The following GPR107 variants were observed in gnomAD, a reference collection of about 807,000 sequenced individuals.
GPR107 encodes protein GPR107.
A neutral mutation model predicts 75.5 loss-of-function variants in GPR107; 31 were observed. That is an observed-to-expected ratio of 0.41 (90% CI 0.31 to 0.55). The LOEUF (loss-of-function observed/expected upper bound fraction) is 0.55, where lower values mean the gene tolerates loss of function less well. Among genes scored for constraint, GPR107 ranks in the 20% least tolerant of loss-of-function variants. The pLI, the probability that GPR107 is intolerant of heterozygous loss-of-function variation, is 0.26. For synonymous variants in GPR107, 267 were observed against 251.3 expected (o/e 1.06, Z -0.59); for missense variants, 572 against 665.7 (o/e 0.86, Z 1.55).
intron 6 of GPR107, among the ~76,000 whole-genome samples, chr9:130,083,953 T>G (rs2132576443): frequency 6.6e-6 from 1 of 151,794 alleles, no homozygotes; most frequent in South Asian, 2.1e-4. Flanking sequence ...TTATGTTATT[T>G]ATTACTATTA....
At position 130,081,533 on chromosome 9, in the gene GPR107, C is replaced by A. The variant is rs1370258585; in HGVS notation, c.526+1764C>A. Among the ~76,000 whole-genome samples, 5 of 151,890 alleles carry A rather than the reference C, an allele frequency of 3.3e-5. No homozygotes were observed. The East Asian group carries it at 9.7e-4, about 29-fold the overall frequency. On this transcript the variant is annotated intron_variant, in intron 5 of 17. Coordinates refer to ENST00000347136, the MANE Select transcript of GPR107 (RefSeq NM_020960.5). ...CTAAAAATACAAAAAATTAGCCGGG[C>A]ATGGTGGCACGTGCCTGTGATCTCA...
chr9:130,120,375 G>GC (rs952331650), intron 14 of GPR107, among the ~76,000 whole-genome samples: 3 of 152,168 alleles, frequency 2.0e-5, no homozygotes, highest in African/African-American at 7.2e-5. Flanking sequence ...CCAGGGAGGT[G>GC]CCAGGCAGAG....
chr9:130,097,155 C>CTT (rs71387312), intron 9 of GPR107, among the ~76,000 whole-genome samples: 31,994 of 130,130 alleles, frequency 0.25, 3,949 homozygotes, highest in Non-Finnish European at 0.28. Flanking sequence ...TCTTTTTTTT[C>CTT]TTTTTTTTTT....
chr9:130,076,381 A>G (rs774589594), intron 2 of GPR107, 31 bp from the exon 3 acceptor site: 2 of 1,327,662 alleles, frequency 1.5e-6, no homozygotes, highest in Non-Finnish European at 2.2e-6. Flanking sequence ...TTGTGTAGAT[A>G]TTTACTTCTA....
At chr9:130,130,431 A>G (rs1227298115) in intron 17 of GPR107, among the ~76,000 whole-genome samples, 1 of 152,134 alleles carries the variant, frequency 6.6e-6, no homozygotes, top group African/African-American at 2.4e-5. Flanking sequence ...GTCCTCATTC[A>G]TGGTTGCTGT....
chr9:130,130,123 A>G (rs1831785070), intron 17 of GPR107: 1 of 152,248 alleles, frequency 6.6e-6, no homozygotes. Context: ...GGGCCTGGGT[A>G]TGAGGGCACA....
chr9:130,124,314 G>A (rs1199635200), intron 14 of GPR107, among the ~76,000 whole-genome samples: 1 of 152,236 alleles, frequency 6.6e-6, no homozygotes. Context: ...GCAGTGTCAG[G>A]AAGGTAGCTG....
chr9:130,107,475 T>G, intron 13 of GPR107, 21 bp from the exon 14 acceptor site: 1 of 1,506,090 alleles, frequency 6.6e-7, no homozygotes, highest in Non-Finnish European at 9.2e-7. Context: ...AACTTTTTGT[T>G]CTCTAAATGT....
Position 130,092,280 on chromosome 9 carries a change from CCTCTCAGCAGGA to C in GPR107, c.763_774del (p.Leu255_Gly258del). The C allele has an allele frequency of 6.2e-7, 1 of 1,608,954 alleles. No individual in the cohort carries two copies. Among genetic ancestry groups the C allele is most frequent in the Non-Finnish European group, 8.5e-7 (1 of 1,175,220 alleles). Reference sequence around the variant, plus strand: ...TCACAGAGAAGAATCCTGACAGCTACCTCTCAGCAGGAGAAATTCCTCTCCCCAAATTATACA... The same window carrying C: ...TCACAGAGAAGAATCCTGACAGCTACGAAATTCCTCTCCCCAAATTATACA... On this transcript the variant is annotated inframe_deletion, in exon 9 of 18. Coordinates refer to ENST00000347136, the MANE Select transcript of GPR107 (RefSeq NM_020960.5).
intron 13 of GPR107, among the ~76,000 whole-genome samples, chr9:130,107,090 T>C (rs544564846): frequency 3.9e-4 from 60 of 152,316 alleles, no homozygotes; most frequent in African/African-American, 1.4e-3. Flanking sequence ...CTCTTAGACC[T>C]AGACTCTAGA....
At chr9:130,065,217 G>GCA (rs1363539377) in intron 1 of GPR107, among the ~76,000 whole-genome samples, 4 of 151,882 alleles carry the variant, frequency 2.6e-5, no homozygotes, top group East Asian at 3.9e-4. Context: ...TTGGGAGGCC[G>GCA]AGGTGGGCAA....
At chr9:130,102,176 G>GGCAGTGGCATA (rs59917862) in intron 12 of GPR107, among the ~76,000 whole-genome samples, 149,798 of 152,154 alleles carry the variant, frequency 0.98, 73,753 homozygotes, top group East Asian at 1. Context: ...ATGTGACAGA[G>GGCAGTGGCATA]GCAGTAAATA....
chr9:130,110,097 C>T (rs985670782), intron 14 of GPR107, among the ~76,000 whole-genome samples: 1 of 152,136 alleles, frequency 6.6e-6, no homozygotes, highest in African/African-American at 2.4e-5. Context: ...GCTTCGTCCT[C>T]CTGACTCGTC....
chr9:130,072,242 A>G (rs1295107672), intron 1 of GPR107, among the ~76,000 whole-genome samples: 2 of 143,962 alleles, frequency 1.4e-5, no homozygotes, highest in Non-Finnish European at 3.0e-5. Context: ...TTTTTTTGAG[A>G]TGGAGTCTCG....
intron 14 of GPR107, among the ~76,000 whole-genome samples, chr9:130,117,820 GA>G (rs796412950): frequency 1.2e-4 from 19 of 152,268 alleles, no homozygotes; most frequent in African/African-American, 4.6e-4. Context: ...GATTGTTTTA[GA>G]AATTTTTCAC....
At chr9:130,073,073 C>T (rs755838222) in intron 1 of GPR107, among the ~76,000 whole-genome samples, 35 of 152,302 alleles carry the variant, frequency 2.3e-4, no homozygotes, top group Admixed American at 1.0e-3. Flanking sequence ...AGGAAAGCCC[C>T]TTTCTCCTGA....
intron 17 of GPR107, chr9:130,130,057 G>A (rs960887757): frequency 2.0e-5 from 3 of 152,142 alleles, no homozygotes; most frequent in Non-Finnish European, 4.4e-5. Flanking sequence ...CGCGGCCCAC[G>A]CAGCTGCCCT....
At chr9:130,073,582 A>T (rs565956504) in intron 1 of GPR107, among the ~76,000 whole-genome samples, 2 of 152,326 alleles carry the variant, frequency 1.3e-5, no homozygotes, top group Admixed American at 1.3e-4. Flanking sequence ...TCCAGCAAAC[A>T]TGTTTTCACC....
intron 9 of GPR107, among the ~76,000 whole-genome samples, chr9:130,096,460 T>G (rs921068640): frequency 3.2e-4 from 41 of 128,516 alleles, no homozygotes; most frequent in Admixed American, 1.1e-3. Context: ...TGCATATACA[T>G]TTTTGGACTT....
Sources: allele counts gnomAD v4.1 joint callset (sites outside exome capture counted in the v4.1 genomes callset), GRCh38; gene constraint gnomAD v4.1.1; transcripts MANE v1.5; gene names NCBI Gene and HGNC (gene_info 2026-07-23, HGNC 2026-07-21).